Variants in APOL3 observed in about 807,000 individuals in gnomAD.
APOL3 encodes the protein TNF-inducible protein CG12-1.
APOL3 carries 14 observed loss-of-function variants against 11.6 expected under a neutral mutation model. The observed-to-expected ratio is 1.21, with a 90% confidence interval of 0.80 to 1.89. The LOEUF (loss-of-function observed/expected upper bound fraction) is 1.89, where lower values mean the gene tolerates loss of function less well. APOL3 is among the 40% of genes most tolerant of loss of function. APOL3 has a pLI of 0.00. For synonymous variants in APOL3, 192 were observed against 190.6 expected, an observed-to-expected ratio of 1.01 and a Z score of -0.06; for missense variants, 483 against 492.1, an observed-to-expected ratio of 0.98 and a Z score of 0.17.
At chr22:36,143,659 G>C (rs577835840) in intron 2 of APOL3, among the ~76,000 whole-genome samples, 2 of 152,148 alleles carry the variant, frequency 1.3e-5, no homozygotes, top group East Asian at 1.9e-4. Flanking sequence ...AAAGTGAAAG[G>C]CCTGGCTATT....
chr22:36,145,495 C>T (rs150860781), exon 2 of APOL3: 46 of 1,613,946 alleles, frequency 2.9e-5, no homozygotes, highest in Non-Finnish European at 3.2e-5. Context: ...GCCGCAGTCA[C>T]GAATCTCTTC....
chr22:36,157,140 A>G, intron 1 of APOL3: 1 of 411,218 alleles, frequency 2.4e-6, no homozygotes, highest in Non-Finnish European at 4.9e-6. Flanking sequence ...AGGAGAAAGA[A>G]AAAAGAAATT....
exon 2 of APOL3, chr22:36,145,559 C>G (rs377477589): frequency 3.2e-5 from 52 of 1,613,994 alleles, no homozygotes; most frequent in Admixed American, 1.8e-4. Context: ...TGACTCTCTC[C>G]CGGAAGTATT....
chr22:36,154,253 G>GA (rs1172849881), intron 1 of APOL3, among the ~76,000 whole-genome samples: 4 of 152,182 alleles, frequency 2.6e-5, no homozygotes, highest in African/African-American at 9.7e-5. Flanking sequence ...TTTAAATGAG[G>GA]GGGAGGCTTA....
intron 1 of APOL3, among the ~76,000 whole-genome samples, chr22:36,157,167 C>A (rs2013025131): frequency 6.6e-6 from 1 of 152,184 alleles, no homozygotes; most frequent in African/African-American, 2.4e-5. Flanking sequence ...AACACGCGAG[C>A]CAGCTAACCT....
chr22:36,149,265 C>G, intron 1 of APOL3, 123 bp from the exon 2 acceptor site: 1 of 1,305,546 alleles, frequency 7.7e-7, no homozygotes, highest in Non-Finnish European at 1.0e-6. Context: ...CAACCTAGCC[C>G]GGTGTTTTTT....
intron 1 of APOL3, among the ~76,000 whole-genome samples, chr22:36,146,819 G>A (rs2060239499): frequency 6.6e-6 from 1 of 152,106 alleles, no homozygotes; most frequent in Non-Finnish European, 1.5e-5. Context: ...TTAGTACACA[G>A]CAGGATTACT....
At chr22:36,140,456 T>C (rs1002652649) in exon 3 of APOL3, 12 of 152,262 alleles carry the variant, frequency 7.9e-5, no homozygotes, top group African/African-American at 2.9e-4. Flanking sequence ...CTGCTGTATA[T>C]GAGTAATGAG....
intron 1 of APOL3, among the ~76,000 whole-genome samples, chr22:36,158,376 G>A (rs928174170): frequency 1.3e-5 from 2 of 152,310 alleles, no homozygotes; most frequent in Non-Finnish European, 1.5e-5. Context: ...CCCACTCCTA[G>A]GTCTCAGCCT....
chr22:36,157,193 G>C (rs550028667), intron 1 of APOL3, among the ~76,000 whole-genome samples: 4 of 152,284 alleles, frequency 2.6e-5, no homozygotes, highest in Admixed American at 2.6e-4. Flanking sequence ...TCATAGCCAT[G>C]GTTTCCAAGC....
At chr22:36,165,135 A>C (rs148517986), upstream of APOL3, 17 of 152,198 alleles carry the variant, frequency 1.1e-4, no homozygotes, top group African/African-American at 4.1e-4. Flanking sequence ...GTAAAACTGA[A>C]AGAGGAGTTT....
intron 1 of APOL3, among the ~76,000 whole-genome samples, chr22:36,156,576 A>C (rs531582148): frequency 6.6e-6 from 1 of 150,710 alleles, no homozygotes; most frequent in East Asian, 2.0e-4. Context: ...TCCCATTCCC[A>C]GCCTCAGGCC....
At chr22:36,141,869 G>A (rs137973235) in exon 3 of APOL3, 3 of 1,614,096 alleles carry the variant, frequency 1.9e-6, no homozygotes, top group African/African-American at 1.3e-5. Context: ...AGCCTCTGTG[G>A]ACCTCTTCAA....
At chr22:36,162,044 G>A (rs988142868), upstream of APOL3, among the ~76,000 whole-genome samples, 3 of 152,262 alleles carry the variant, frequency 2.0e-5, no homozygotes, top group South Asian at 2.1e-4. Context: ...CCCACATCCC[G>A]CATTCATGAT....
At chr22:36,144,267 G>A (rs567082115) in intron 2 of APOL3, among the ~76,000 whole-genome samples, 10 of 152,082 alleles carry the variant, frequency 6.6e-5, no homozygotes, top group South Asian at 2.1e-4. Flanking sequence ...CTTGGTGCCC[G>A]AGCCTTCCTG....
chr22:36,153,113 G>GAA (rs1316267124), intron 1 of APOL3, among the ~76,000 whole-genome samples: 2 of 148,342 alleles, frequency 1.3e-5, no homozygotes, highest in African/African-American at 5.0e-5. Context: ...TTCTGTCTCA[G>GAA]AAAATAAAAA....
chr22:36,149,267 G>C (rs1043454933), intron 1 of APOL3, 125 bp from the exon 2 acceptor site: 6 of 1,305,550 alleles, frequency 4.6e-6, no homozygotes, highest in Non-Finnish European at 5.1e-6. Flanking sequence ...ACCTAGCCCG[G>C]TGTTTTTTAA....
exon 3 of APOL3, chr22:36,141,823 C>G (rs140252051): frequency 9.9e-6 from 16 of 1,614,192 alleles, no homozygotes; most frequent in Non-Finnish European, 1.1e-5. Context: ...CCAGAGGCAG[C>G]GCCAGTGGAG....
chr22:36,147,792 T>C (rs2060274583), intron 1 of APOL3, among the ~76,000 whole-genome samples: 1 of 152,092 alleles, frequency 6.6e-6, no homozygotes, highest in African/African-American at 2.4e-5. Flanking sequence ...AGTACCAGGG[T>C]GTTAAAGCAA....
Sources: gnomAD v4.1 joint callset for allele counts (sites outside exome capture counted in the v4.1 genomes callset) on GRCh38, gnomAD v4.1.1 for gene constraint, MANE v1.5 for transcripts, NCBI Gene and HGNC (gene_info 2026-07-23, HGNC 2026-07-21) for gene names.